Variants in INPP5D observed in about 807,000 individuals in gnomAD.
INPP5D encodes phosphatidylinositol 3,4,5-trisphosphate 5-phosphatase 1.
A neutral mutation model predicts 122.9 loss-of-function variants in INPP5D; 33 were observed. That is an observed-to-expected ratio of 0.27 (90% CI 0.20 to 0.36). The LOEUF (loss-of-function observed/expected upper bound fraction) is 0.36. Ranked by LOEUF, INPP5D falls within the 10% of genes least tolerant of loss-of-function variation. The pLI is 1.00. For synonymous variants in INPP5D, 584 were observed against 576.2 expected, an observed-to-expected ratio of 1.01 and a Z score of -0.19; for missense variants, 1,053 against 1,412.7, an observed-to-expected ratio of 0.75 and a Z score of 4.08.
chr2:233,065,347 G>A lies in INPP5D; in HGVS notation c.134+4735G>A, dbSNP rs886573956. On this transcript the variant is annotated intron_variant, in intron 1 of 26. Transcript: ENST00000445964. ...TTTTTTGACAGAGTCTTGCTCTGTC[G>A]CCAAGGCTGGAGTGCAGTGGTGCAA... 5.5e-5 allele frequency among the ~76,000 whole-genome samples: 7 copies of A among 126,350 alleles called. No homozygotes were observed. The South Asian group carries it at 9.8e-4, about 18-fold the overall frequency. 82.9% of individuals were successfully genotyped at this position (126,350 alleles called of 152,430 possible). A position where few individuals can be genotyped will look rare whatever the true frequency, so the allele number is the denominator to read the frequency against.
intron 24 of INPP5D, among the ~76,000 whole-genome samples, chr2:233,195,770 C>G (rs1695168127): frequency 6.6e-6 from 1 of 152,170 alleles, no homozygotes. Context: ...AGTTTGAGAC[C>G]AGGCTGGCCG....
chr2:233,118,217 C>A (rs559203844), intron 2 of INPP5D, among the ~76,000 whole-genome samples: 1 of 152,176 alleles, frequency 6.6e-6, no homozygotes, highest in Admixed American at 6.5e-5. Flanking sequence ...GGCACGGTTG[C>A]CCTTCAAACA....
At chr2:233,169,822 T>A (rs1265301073) in intron 14 of INPP5D, 8 of 854,536 alleles carry the variant, frequency 9.4e-6, no homozygotes, top group East Asian at 5.3e-5. Context: ...GTACACCCAA[T>A]GTGGCCTCAA....
chr2:233,099,405 C>T (rs987863976), intron 2 of INPP5D, among the ~76,000 whole-genome samples: 23 of 152,240 alleles, frequency 1.5e-4, no homozygotes, highest in African/African-American at 5.3e-4. Context: ...GAAGGCCTGC[C>T]TCCTGGATCC....
In INPP5D at chr2:233,204,652, C is replaced by T; in HGVS notation, c.3502C>T (p.Pro1168Ser). ...GRDYRDNTEL[P>S]HHGKHRPEEG... is the part of the protein sequence containing the mutation. ...CGACTACCGCGACAACACCGAGCTC[C>T]CGCATCACGGCAAGCACCGGCCGGA... Residue 1168 changes from proline to serine, a missense_variant, in exon 26 of 27, where the codon CCG becomes TCG. Physicochemically the swap from Pro to Ser is moderately conservative, Grantham distance 74. This residue lies in a region of INPP5D where 417 missense variants were observed against 425.8 expected (regional missense o/e 0.98). Coordinates refer to ENST00000445964, the MANE Select transcript of INPP5D (RefSeq NM_001017915.3). 1 of 1,584,000 alleles carries T rather than the reference C, an allele frequency of 6.3e-7. No individual in the cohort carries two copies. Among genetic ancestry groups the T allele is most frequent in the Non-Finnish European group, 8.6e-7 (1 of 1,166,310 alleles).
In INPP5D at chr2:233,204,546, G is replaced by A. The variant is rs1328660768; in HGVS notation, c.3396G>A (p.Gln1132=). Residue 1132 remains glutamine (Q), a synonymous_variant, in exon 26 of 27, where the codon CAG becomes CAA. Transcript: ENST00000445964. ...IKPSRSEINQ[Q]TPPTPTPRPP... is the part of the protein sequence containing the mutation. ...CTTCCAGATCGGAAATCAACCAGCA[G>A]ACCCCGCCCACCCCGACGCCGCGGC... is the stretch of plus-strand genomic sequence containing the variant. 5.1e-6 allele frequency: 8 copies of A among 1,575,774 alleles called. No individual in the cohort carries two copies. The highest frequency in any genetic ancestry group is 6.9e-6 in the Non-Finnish European group (8 of 1,162,464).
intron 1 of INPP5D, among the ~76,000 whole-genome samples, chr2:233,063,269 T>C (rs1428459562): frequency 2.0e-5 from 3 of 152,170 alleles, no homozygotes; most frequent in African/African-American, 4.8e-5. Flanking sequence ...GCAAAGTCCA[T>C]GGGAAAAGTA....
intron 25 of INPP5D, among the ~76,000 whole-genome samples, chr2:233,200,331 G>A (rs1695299825): frequency 6.6e-6 from 1 of 152,266 alleles, no homozygotes; most frequent in Admixed American, 6.5e-5. Context: ...ATGACAGACA[G>A]ACGTGAAAGT....
intron 3 of INPP5D, among the ~76,000 whole-genome samples, chr2:233,122,989 C>T (rs1367138598): frequency 6.6e-6 from 1 of 152,190 alleles, no homozygotes; most frequent in African/African-American, 2.4e-5. Flanking sequence ...ATAGTAAGCA[C>T]TCCATAAATG....
intron 17 of INPP5D, among the ~76,000 whole-genome samples, chr2:233,174,448 C>T (rs916507063): frequency 6.6e-6 from 1 of 152,162 alleles, no homozygotes; most frequent in South Asian, 2.1e-4. Context: ...TTTGTGGAGC[C>T]CCACGGGTAA....
intron 5 of INPP5D, among the ~76,000 whole-genome samples, chr2:233,139,258 G>A (rs916164863): frequency 2.0e-5 from 3 of 152,150 alleles, no homozygotes; most frequent in African/African-American, 7.2e-5. Context: ...AGAGAAAGAT[G>A]AGCTGGGAAC....
In INPP5D at chr2:233,164,445, G is replaced by A. The variant is rs70958387; in HGVS notation, c.1555+21G>A. ...ACTGGGTGAGCAGGGCGGGGACCCTGTGTTCCTCCCACACCCTCTGCCTCA... is the reference window on the plus strand; with the variant it reads ...ACTGGGTGAGCAGGGCGGGGACCCTATGTTCCTCCCACACCCTCTGCCTCA... On this transcript the variant is annotated intron_variant, in intron 13 of 26. Transcript: ENST00000445964. This position sits in a 1 kb window ranked among gnomAD's most constrained non-coding sequence, Gnocchi z 4.3. The A allele has an allele frequency of 1.2e-3, 1,815 of 1,533,224 alleles. 22 individuals carry two copies. The East Asian group carries it at 0.022, about 19-fold the overall frequency. The allele number at this position is 1,533,224 out of a possible 1,614,324, so 95.0% of individuals were successfully genotyped here.
chr2:233,171,946 C>G (rs886557771), intron 17 of INPP5D, among the ~76,000 whole-genome samples: 2 of 152,214 alleles, frequency 1.3e-5, no homozygotes, highest in African/African-American at 4.8e-5. Flanking sequence ...AAAGTGTCAT[C>G]TGAAAGAGTT....
In INPP5D at chr2:233,155,037, A is replaced by C. The variant is rs138935419; in HGVS notation, c.1031-3276A>C. Among the ~76,000 whole-genome samples, 493 of 152,308 alleles carry C rather than the reference A, an allele frequency of 3.2e-3. 4 individuals carry two copies. Among genetic ancestry groups the C allele is most frequent in the East Asian group, 0.027 (140 of 5,188 alleles). On this transcript the variant is annotated intron_variant, in intron 9 of 26. Coordinates refer to ENST00000445964, the MANE Select transcript of INPP5D (RefSeq NM_001017915.3). ...CTGCACCCAGCCTTGGAGAGATCAG[A>C]TTCTACAGATAAAAAGAAATGGGCC...
intron 5 of INPP5D, chr2:233,134,044 T>C: frequency 2.2e-6 from 1 of 455,996 alleles, no homozygotes; most frequent in Non-Finnish European, 4.4e-6. Context: ...GATTTGCCGC[T>C]TGATTGGATG....
At chr2:233,068,922 G>A (rs918805277) in intron 1 of INPP5D, among the ~76,000 whole-genome samples, 12 of 152,198 alleles carry the variant, frequency 7.9e-5, no homozygotes, top group Non-Finnish European at 1.8e-4. Flanking sequence ...CACACAGAGT[G>A]AAACCAGGGG....
chr2:233,191,499 G>T (rs925315297), intron 22 of INPP5D, among the ~76,000 whole-genome samples: 3 of 152,168 alleles, frequency 2.0e-5, no homozygotes, highest in African/African-American at 7.2e-5. Flanking sequence ...GCAGTGCCGC[G>T]GGTAAGGGAG....
At position 233,206,926 on chromosome 2, in the gene INPP5D, G is replaced by A. The variant is rs13426624; in HGVS notation, c.*218G>A. ...GCTGGAAGAAAAACGCACACCAGAC[G>A]GGCAACAAACAGTCTGGGTCCCCAG... On this transcript the variant is annotated 3_prime_UTR_variant, in exon 27 of 27. Coordinates refer to ENST00000445964, the MANE Select transcript of INPP5D (RefSeq NM_001017915.3). The surrounding 1 kb of genome is among the most constrained non-coding windows in gnomAD (Gnocchi z 4.0). 0.014 allele frequency: 7,637 copies of A among 545,442 alleles called. 430 individuals are homozygous for A. The highest frequency in any genetic ancestry group is 0.13 in the African/African-American group (6,639 of 52,006). The allele number at this position is 545,442 out of a possible 1,614,324, so 33.8% of individuals were successfully genotyped here.
In INPP5D at chr2:233,078,135, C is replaced by T. The variant is rs56383176; in HGVS notation, c.135-1200C>T. 3.4e-3 allele frequency among the ~76,000 whole-genome samples: 518 copies of T among 152,292 alleles called. 1 individual carries two copies. The highest frequency in any genetic ancestry group is 4.9e-3 in the Non-Finnish European group (336 of 68,028). On this transcript the variant is annotated intron_variant, in intron 1 of 26. Transcript: ENST00000445964. The surrounding 1 kb of genome is among the most constrained non-coding windows in gnomAD (Gnocchi z 4.6). ...GCCTAAGATCCAAATAGCTTTCCCTCGATCTCCTGACAGCCTTCTGGCCTC... is the reference window on the plus strand; with the variant it reads ...GCCTAAGATCCAAATAGCTTTCCCTTGATCTCCTGACAGCCTTCTGGCCTC...
Sources: allele counts gnomAD v4.1 joint callset (sites outside exome capture counted in the v4.1 genomes callset), GRCh38; gene constraint gnomAD v4.1.1; regional missense constraint gnomAD v4.1.1; non-coding constraint Gnocchi (gnomAD v3.1); transcripts MANE v1.5; gene names NCBI Gene and HGNC (gene_info 2026-07-23, HGNC 2026-07-21).